The following RAP1GAP2 variants were observed in gnomAD, a reference collection of about 807,000 sequenced individuals.
RAP1GAP2 encodes the protein rap1 GTPase-activating protein 2.
Under a neutral mutation model 95.0 loss-of-function variants are expected in RAP1GAP2, and 27 were observed. The observed-to-expected ratio is 0.28, with a 90% CI of 0.21 to 0.39. RAP1GAP2 has a LOEUF of 0.39. Among genes scored for constraint, RAP1GAP2 ranks in the 10% least tolerant of loss-of-function variants. The pLI is 1.00. For missense variants in RAP1GAP2, 771 were observed against 970.0 expected (o/e 0.79, Z 2.72); for synonymous variants, 373 against 380.9 (o/e 0.98, Z 0.24).
In RAP1GAP2 at chr17:3,029,411, A is replaced by G. The variant is rs749991391; in HGVS notation, c.2108-1511A>G. On this transcript the variant is annotated intron_variant, in intron 22 of 24. Coordinates refer to ENST00000254695, the MANE Select transcript of RAP1GAP2 (RefSeq NM_015085.5). The surrounding 1 kb of genome is among the most constrained non-coding windows in gnomAD (Gnocchi z 4.4). Reference sequence around the variant, plus strand: ...CTGCTTTTCACCCCCAGCCCACGAAAGATGTGCTTGGTACCCACTGGATCA... The same window carrying G: ...CTGCTTTTCACCCCCAGCCCACGAAGGATGTGCTTGGTACCCACTGGATCA... Among the ~76,000 whole-genome samples, 23 of 152,222 alleles carry G rather than the reference A, an allele frequency of 1.5e-4. 1 individual carries two copies. In the Middle Eastern group the frequency reaches 0.014, roughly 90 times the overall value.
Position 2,771,396 on chromosome 17 carries a change from A to G in RAP1GAP2, c.167+951A>G, listed in dbSNP as rs777447842. Among the ~76,000 whole-genome samples the G allele has an allele frequency of 4.6e-4, 69 of 149,898 alleles. 1 individual carries two copies. The highest frequency in any genetic ancestry group is 1.2e-3 in the Admixed American group (18 of 15,084). ...CAGTCACAACAGAGGCGTCCTGGCAACCCTTCTGCAGCCACAGCGCTTCCC... is the reference window on the plus strand; with the variant it reads ...CAGTCACAACAGAGGCGTCCTGGCAGCCCTTCTGCAGCCACAGCGCTTCCC... On this transcript the variant is annotated intron_variant, in intron 2 of 25. Transcript: ENST00000637138.
chr17:2,893,594 C>A (rs778032810), intron 2 of RAP1GAP2, among the ~76,000 whole-genome samples: 3 of 152,214 alleles, frequency 2.0e-5, no homozygotes, highest in Non-Finnish European at 4.4e-5. Flanking sequence ...CGTTTACGGG[C>A]TGGGAAAATG....
intron 16 of RAP1GAP2, among the ~76,000 whole-genome samples, chr17:3,007,088 A>T (rs2046367052): frequency 6.6e-6 from 1 of 152,048 alleles, no homozygotes; most frequent in South Asian, 2.1e-4. Context: ...AGACAGCATG[A>T]GCAAAGGTCA....
intron 12 of RAP1GAP2, among the ~76,000 whole-genome samples, chr17:2,992,361 C>T (rs2045792431): frequency 6.6e-6 from 1 of 151,894 alleles, no homozygotes; most frequent in Non-Finnish European, 1.5e-5. Flanking sequence ...GGGGTTTCAC[C>T]ATGCTAGCCA....
At position 2,786,946 on chromosome 17, in the gene RAP1GAP2, C is replaced by CTTT. The variant is rs67990731; in HGVS notation, c.-14+9689_-14+9691dup. Among the ~76,000 whole-genome samples, 124 of 58,270 alleles carry CTTT rather than the reference C, an allele frequency of 2.1e-3. 1 individual carries two copies. The highest frequency in any genetic ancestry group is 3.3e-3 in the East Asian group (7 of 2,100). The allele number at this position is 58,270 out of a possible 152,430, so 38.2% of individuals were successfully genotyped here. ...ACAGGCGTGAGCCATCGCTCCCAGC[C>CTTT]TTTTTTTTTTTTTTTTTTTTTTTGA... On this transcript the variant is annotated intron_variant, in intron 1 of 24. Coordinates refer to the RAP1GAP2 transcript ENST00000540393.
At chr17:2,941,227 C>T (rs1361804013) in intron 3 of RAP1GAP2, among the ~76,000 whole-genome samples, 1 of 152,052 alleles carries the variant, frequency 6.6e-6, no homozygotes, top group African/African-American at 2.4e-5. Flanking sequence ...CGTGGTGAAA[C>T]CCCGTCTCTA....
intron 11 of RAP1GAP2, among the ~76,000 whole-genome samples, chr17:2,986,875 TGGA>T (rs1348636662): frequency 6.6e-6 from 1 of 152,222 alleles, no homozygotes; most frequent in Non-Finnish European, 1.5e-5. Context: ...GTAGTTTGCC[TGGA>T]AGCAGCTGCT....
chr17:2,897,688 C>T (rs1287365806), intron 2 of RAP1GAP2, among the ~76,000 whole-genome samples: 1 of 152,008 alleles, frequency 6.6e-6, no homozygotes, highest in Non-Finnish European at 1.5e-5. Context: ...CCACTTCCCA[C>T]AAGCCTGGGC....
rs111555571 is a variant in RAP1GAP2, at chr17:2,867,389, G to A, written c.81-37895G>A. Among the ~76,000 whole-genome samples the A allele has an allele frequency of 5.3e-5, 8 of 152,320 alleles. 1 individual carries two copies. The highest frequency in any genetic ancestry group is 1.9e-4 in the East Asian group (1 of 5,186). On this transcript the variant is annotated intron_variant, in intron 2 of 24. Coordinates refer to ENST00000254695, the MANE Select transcript of RAP1GAP2 (RefSeq NM_015085.5). This position sits in a 1 kb window ranked among gnomAD's most constrained non-coding sequence, Gnocchi z 4.5. Reference sequence around the variant, plus strand: ...CTTTGGACACTGGTTCTTTCACCCCGTCTCTAGGCTGTGCCTTCCTTTGGG... The same window carrying A: ...CTTTGGACACTGGTTCTTTCACCCCATCTCTAGGCTGTGCCTTCCTTTGGG...
upstream of RAP1GAP2, among the ~76,000 whole-genome samples, chr17:2,776,539 G>A (rs1397533216): frequency 1.3e-5 from 2 of 152,090 alleles, no homozygotes; most frequent in East Asian, 1.9e-4. Context: ...ACCGCCTCCC[G>A]GTGCCCGCCC....
At chr17:2,791,549 A>G (rs982047141), upstream of RAP1GAP2, among the ~76,000 whole-genome samples, 1 of 152,178 alleles carries the variant, frequency 6.6e-6, no homozygotes, top group South Asian at 2.1e-4. Flanking sequence ...GGGGCTGATA[A>G]TCATCAAGCT....
intron 3 of RAP1GAP2, among the ~76,000 whole-genome samples, chr17:2,908,875 TA>T (rs957751964): frequency 3.3e-5 from 5 of 151,974 alleles, no homozygotes; most frequent in Admixed American, 2.0e-4. Flanking sequence ...CCAGCTAATT[TA>T]AAAATTTTCT....
At chr17:2,995,605 C>T in intron 13 of RAP1GAP2, 139 bp downstream of exon 13, 1 of 1,229,312 alleles carries the variant, frequency 8.1e-7, no homozygotes, top group Non-Finnish European at 1.1e-6. Flanking sequence ...GCAGCAGCGT[C>T]ACAGTCCGTT....
intron 2 of RAP1GAP2, among the ~76,000 whole-genome samples, chr17:2,901,462 G>A (rs902287880): frequency 2.0e-5 from 3 of 152,062 alleles, no homozygotes; most frequent in Admixed American, 6.6e-5. Flanking sequence ...CTGGGGCCCC[G>A]CGTCGTTAGA....
intron 1 of RAP1GAP2, among the ~76,000 whole-genome samples, chr17:2,780,246 T>G (rs1443620945): frequency 2.6e-5 from 4 of 152,192 alleles, no homozygotes; most frequent in Admixed American, 1.3e-4. Context: ...GGACAGGGTT[T>G]CTCCATGTTG....
chr17:2,969,919 G>A (rs1239765389), intron 8 of RAP1GAP2, among the ~76,000 whole-genome samples: 1 of 152,020 alleles, frequency 6.6e-6, no homozygotes, highest in Middle Eastern at 3.2e-3. Context: ...TATAGAGAAT[G>A]TCTTAATTTA....
rs1047309336 is a variant in RAP1GAP2 at position 2,865,656 on chromosome 17, G to A, written c.81-39628G>A. 2.6e-5 allele frequency among the ~76,000 whole-genome samples: 4 copies of A among 152,206 alleles called. 1 individual carries two copies. The highest frequency in any genetic ancestry group is 5.9e-5 in the Non-Finnish European group (4 of 68,038). On this transcript the variant is annotated intron_variant, in intron 2 of 24. Transcript: ENST00000254695. ...ATCTGAAAACGAGATCTGCAAATGT[G>A]CCAGGAAGGGCTTTTGAGAGTGACA...
chr17:3,026,893 G>T, intron 21 of RAP1GAP2, 51 bp from the exon 22 acceptor site: 2 of 1,531,790 alleles, frequency 1.3e-6, no homozygotes, highest in Admixed American at 2.0e-5. Flanking sequence ...GCCTGCGTGG[G>T]CGCAGCTGCC....
chr17:2,994,617 C>T (rs2045890997), intron 12 of RAP1GAP2, among the ~76,000 whole-genome samples: 2 of 152,256 alleles, frequency 1.3e-5, no homozygotes, highest in Non-Finnish European at 2.9e-5. Context: ...GGATGGCTGG[C>T]TGCCCTAGCT....
Sources: allele counts gnomAD v4.1 joint callset (sites outside exome capture counted in the v4.1 genomes callset), GRCh38; gene constraint gnomAD v4.1.1; non-coding constraint Gnocchi (gnomAD v3.1); transcripts MANE v1.5; gene names NCBI Gene and HGNC (gene_info 2026-07-23, HGNC 2026-07-21).